The following PTPRT variants were observed in gnomAD, a reference collection of about 807,000 sequenced individuals.
PTPRT encodes the protein protein tyrosine phosphatase receptor type T.
In PTPRT, 56 loss-of-function variants were observed where a neutral mutation model predicts 176.8. That is an observed-to-expected ratio of 0.32 (90% CI 0.26 to 0.40). The LOEUF (loss-of-function observed/expected upper bound fraction) is 0.40. Among genes scored for constraint, PTPRT ranks in the 10% least tolerant of loss-of-function variants. The probability of loss-of-function intolerance (pLI) is 1.00; values close to 1 mark genes in which losing one functional copy is unlikely to be tolerated. For missense variants in PTPRT, 1,540 were observed against 1,908.2 expected (o/e 0.81, Z 3.60); for synonymous variants, 783 against 739.0 (o/e 1.06, Z -0.96).
intron 2 of PTPRT, among the ~76,000 whole-genome samples, chr20:42,816,632 C>T (rs1381063182): frequency 1.3e-5 from 2 of 152,062 alleles, no homozygotes; most frequent in Non-Finnish European, 2.9e-5. Context: ...TTAAAAGTGG[C>T]AGTTTTTTCT....
chr20:42,260,581 C>T (rs1390925648), intron 13 of PTPRT, among the ~76,000 whole-genome samples: 1 of 152,166 alleles, frequency 6.6e-6, no homozygotes, highest in Non-Finnish European at 1.5e-5. Context: ...GTAATTCTTC[C>T]TGTGAAGCTC....
intron 12 of PTPRT, among the ~76,000 whole-genome samples, chr20:42,282,980 A>G (rs376014064): frequency 1.3e-5 from 2 of 152,330 alleles, no homozygotes; most frequent in South Asian, 4.1e-4. Flanking sequence ...ATACTTGGCA[A>G]TAGTCCAGTC....
chr20:42,655,498 A>C (rs2075109704), intron 7 of PTPRT, among the ~76,000 whole-genome samples: 1 of 152,200 alleles, frequency 6.6e-6, no homozygotes, highest in South Asian at 2.1e-4. Context: ...CTTTTTAAGA[A>C]AAAAAGAAAT....
At chr20:42,595,932 C>G (rs1296862718) in intron 7 of PTPRT, among the ~76,000 whole-genome samples, 1 of 152,188 alleles carries the variant, frequency 6.6e-6, no homozygotes, top group Non-Finnish European at 1.5e-5. Context: ...GCAAATACCC[C>G]TGCCTACTTG....
At chr20:42,383,433 A>T (rs2058715053) in intron 9 of PTPRT, among the ~76,000 whole-genome samples, 2 of 151,148 alleles carry the variant, frequency 1.3e-5, no homozygotes. Flanking sequence ...AAAAAAAAAC[A>T]ACTATTTGAA....
At chr20:42,481,624 AG>A (rs1220537264) in intron 7 of PTPRT, among the ~76,000 whole-genome samples, 4 of 151,922 alleles carry the variant, frequency 2.6e-5, no homozygotes, top group Non-Finnish European at 5.9e-5. Context: ...ACATCTGGTT[AG>A]TTTTTTTTAA....
intron 6 of PTPRT, among the ~76,000 whole-genome samples, chr20:42,716,675 C>T (rs2076228557): frequency 6.6e-6 from 1 of 152,056 alleles, no homozygotes; most frequent in Admixed American, 6.6e-5. Flanking sequence ...GAGTACATTG[C>T]AAAAATTTTC....
chr20:43,003,407 C>T (rs1379699790), intron 1 of PTPRT, among the ~76,000 whole-genome samples: 1 of 151,936 alleles, frequency 6.6e-6, no homozygotes, highest in Admixed American at 6.6e-5. Flanking sequence ...TCCGTGTGTT[C>T]CCCAGGCTGG....
At chr20:42,258,828 TA>T (rs1195749231) in intron 13 of PTPRT, among the ~76,000 whole-genome samples, 2 of 152,158 alleles carry the variant, frequency 1.3e-5, no homozygotes, top group African/African-American at 4.8e-5. Context: ...AGCTGGAAAA[TA>T]CCACAGAGAT....
chr20:43,150,035 T>C (rs1159254996), intron 1 of PTPRT, among the ~76,000 whole-genome samples: 2 of 152,214 alleles, frequency 1.3e-5, no homozygotes, highest in African/African-American at 4.8e-5. Context: ...TGAGGTTCTA[T>C]TGGATCCACG....
chr20:42,840,446 T>A (rs1383083576), intron 2 of PTPRT, among the ~76,000 whole-genome samples: 1 of 152,188 alleles, frequency 6.6e-6, no homozygotes, highest in East Asian at 1.9e-4. Context: ...TGAGTCTCAC[T>A]CTGTTGTCCA....
At chr20:42,653,687 T>TA (rs1352011861) in intron 7 of PTPRT, among the ~76,000 whole-genome samples, 2 of 152,224 alleles carry the variant, frequency 1.3e-5, no homozygotes, top group Non-Finnish European at 2.9e-5. Context: ...TTGAACTATT[T>TA]AAAAAATAGT....
At chr20:42,268,534 C>A (rs1370846188) in intron 13 of PTPRT, among the ~76,000 whole-genome samples, 1 of 152,184 alleles carries the variant, frequency 6.6e-6, no homozygotes, top group Non-Finnish European at 1.5e-5. Context: ...CTCCCACCTC[C>A]CTTTGGGAAG....
intron 7 of PTPRT, among the ~76,000 whole-genome samples, chr20:42,569,541 T>G (rs1343889291): frequency 6.6e-6 from 1 of 152,052 alleles, no homozygotes; most frequent in Non-Finnish European, 1.5e-5. Context: ...AATGCCTGAG[T>G]CTGCACCCTG....
At chr20:42,366,182 C>A (rs1313642640) in intron 9 of PTPRT, among the ~76,000 whole-genome samples, 1 of 152,226 alleles carries the variant, frequency 6.6e-6, no homozygotes, top group Non-Finnish European at 1.5e-5. Flanking sequence ...CTAATTAATG[C>A]TGAAGGTCCA....
At chr20:42,224,817 G>A (rs1389546867) in intron 15 of PTPRT, among the ~76,000 whole-genome samples, 1 of 152,132 alleles carries the variant, frequency 6.6e-6, no homozygotes, top group Non-Finnish European at 1.5e-5. Context: ...CATTTCTAAT[G>A]GCATTGTTCA....
chr20:42,497,262 C>T (rs1454709567), intron 7 of PTPRT, among the ~76,000 whole-genome samples: 2 of 152,132 alleles, frequency 1.3e-5, no homozygotes, highest in African/African-American at 4.8e-5. Flanking sequence ...AATCCTGGTG[C>T]TCACTTCTCT....
intron 7 of PTPRT, among the ~76,000 whole-genome samples, chr20:42,587,620 C>A (rs1173254266): frequency 6.6e-6 from 1 of 152,182 alleles, no homozygotes; most frequent in Non-Finnish European, 1.5e-5. Flanking sequence ...CTCCAAGCCC[C>A]AGACTTATCC....
At position 42,491,305 on chromosome 20, in the gene PTPRT, T is replaced by C. The variant is rs139628557; in HGVS notation, c.1154-18743A>G. On this transcript the variant is annotated intron_variant, in intron 7 of 30. Transcript: ENST00000373187. ...GTGAGTAGCATATATAGCATGGATATGTTGGACAAATGGATGATGCACATT... is the reference window on the plus strand; with the variant it reads ...GTGAGTAGCATATATAGCATGGATACGTTGGACAAATGGATGATGCACATT... 5.4e-3 allele frequency among the ~76,000 whole-genome samples: 828 copies of C among 152,296 alleles called. 8 individuals are homozygous for C. The highest frequency in any genetic ancestry group is 0.019 in the African/African-American group (769 of 41,562).
Sources: gnomAD v4.1 joint callset for allele counts (sites outside exome capture counted in the v4.1 genomes callset) on GRCh38, gnomAD v4.1.1 for gene constraint, MANE v1.5 for transcripts, NCBI Gene and HGNC (gene_info 2026-07-23, HGNC 2026-07-21) for gene names.